The following PCDH15 variants were observed in gnomAD, a reference collection of about 807,000 sequenced individuals.
The protein encoded by PCDH15 is protocadherin-15.
Under a neutral mutation model 178.5 loss-of-function variants are expected in PCDH15, and 129 were observed. That is an observed-to-expected ratio of 0.72 (90% CI 0.63 to 0.84). The LOEUF is 0.84. PCDH15 is among the 40% of genes least tolerant of loss of function. PCDH15 has a pLI of 0.00. For synonymous variants in PCDH15, 800 were observed against 732.0 expected (o/e 1.09, Z -1.50); for missense variants, 2,230 against 2,099.9 (o/e 1.06, Z -1.21).
intron 26 of PCDH15, among the ~76,000 whole-genome samples, chr10:53,896,017 C>T (rs2081925418): frequency 6.6e-6 from 1 of 152,154 alleles, no homozygotes. Flanking sequence ...TACTGAGCTT[C>T]AATTTTCCCA....
intron 26 of PCDH15, among the ~76,000 whole-genome samples, chr10:53,887,844 G>A (rs1197464286): frequency 2.6e-5 from 4 of 152,038 alleles, no homozygotes; most frequent in Admixed American, 2.6e-4. Context: ...AGCCAAGATC[G>A]CGCCACCGCA....
chr10:54,427,571 C>T (rs997526164), intron 3 of PCDH15, among the ~76,000 whole-genome samples: 2 of 152,046 alleles, frequency 1.3e-5, no homozygotes, highest in Non-Finnish European at 2.9e-5. Flanking sequence ...AGCCACCATG[C>T]CTGGCCCCTA....
At chr10:54,524,239 A>G (rs79329112) in intron 3 of PCDH15, among the ~76,000 whole-genome samples, 3,460 of 152,336 alleles carry the variant, frequency 0.023, 126 homozygotes, top group African/African-American at 0.078. Flanking sequence ...CTGAGAGTGT[A>G]CAATATATTT....
intron 3 of PCDH15, among the ~76,000 whole-genome samples, chr10:54,480,496 T>G (rs1300297905): frequency 6.6e-6 from 1 of 151,988 alleles, no homozygotes. Flanking sequence ...TGAAAAAAAG[T>G]GTTATTTGCT....
At chr10:54,827,231 C>T (rs564861795) in intron 3 of PCDH15, among the ~76,000 whole-genome samples, 3 of 152,192 alleles carry the variant, frequency 2.0e-5, no homozygotes, top group Non-Finnish European at 4.4e-5. Flanking sequence ...CAAAGAAATG[C>T]CACTCAGTAT....
At chr10:54,576,896 A>G (rs2133707373) in intron 2 of PCDH15, among the ~76,000 whole-genome samples, 1 of 152,298 alleles carries the variant, frequency 6.6e-6, no homozygotes, top group South Asian at 2.1e-4. Context: ...AAAAAAATAC[A>G]TTGGTAGTTC....
chr10:55,549,500 A>G (rs1841961898), intron 2 of PCDH15, among the ~76,000 whole-genome samples: 1 of 152,114 alleles, frequency 6.6e-6, no homozygotes, highest in African/African-American at 2.4e-5. Context: ...GGTGAATCTT[A>G]GGTAGGAAGT....
intron 20 of PCDH15, among the ~76,000 whole-genome samples, chr10:54,019,702 A>G (rs2092853163): frequency 6.6e-6 from 1 of 151,988 alleles, no homozygotes; most frequent in South Asian, 2.1e-4. Context: ...AAGGTCATAG[A>G]GCTTAAAAAG....
chr10:54,460,564 G>A (rs755693682), intron 3 of PCDH15, among the ~76,000 whole-genome samples: 13 of 151,920 alleles, frequency 8.6e-5, no homozygotes, highest in South Asian at 2.1e-4. Flanking sequence ...AACATGGAGC[G>A]GGAATCCCAG....
At chr10:54,843,523 TC>T (rs1953454276) in intron 3 of PCDH15, among the ~76,000 whole-genome samples, 1 of 152,010 alleles carries the variant, frequency 6.6e-6, no homozygotes, top group Non-Finnish European at 1.5e-5. Context: ...TATTTTTATG[TC>T]CTGAGAGACA....
intron 2 of PCDH15, among the ~76,000 whole-genome samples, chr10:54,587,947 T>C (rs545532319): frequency 2.6e-4 from 39 of 152,332 alleles, no homozygotes; most frequent in African/African-American, 8.9e-4. Flanking sequence ...TGTTTTATAA[T>C]TTATTTATTT....
chr10:55,349,802 G>T (rs978170354), intron 2 of PCDH15, among the ~76,000 whole-genome samples: 1 of 151,980 alleles, frequency 6.6e-6, no homozygotes, highest in Non-Finnish European at 1.5e-5. Context: ...CCCTCTTTTG[G>T]AACTTTTGCC....
chr10:54,681,317 G>A (rs1182865124), intron 1 of PCDH15, among the ~76,000 whole-genome samples: 1 of 152,122 alleles, frequency 6.6e-6, no homozygotes, highest in Non-Finnish European at 1.5e-5. Context: ...GAAAGTCAGG[G>A]TAGACAAAAA....
intron 1 of PCDH15, among the ~76,000 whole-genome samples, chr10:54,700,780 G>A (rs2095298999): frequency 6.6e-6 from 1 of 152,022 alleles, no homozygotes; most frequent in Non-Finnish European, 1.5e-5. Context: ...AAGCAAGTTG[G>A]AAACCATATT....
At chr10:54,516,246 T>C (rs1055826618) in intron 3 of PCDH15, among the ~76,000 whole-genome samples, 1 of 152,106 alleles carries the variant, frequency 6.6e-6, no homozygotes, top group African/African-American at 2.4e-5. Context: ...AGGCTTCAGA[T>C]GATCAACTAC....
chr10:55,601,649 T>TA (rs1406365745), intron 2 of PCDH15, among the ~76,000 whole-genome samples: 1 of 151,640 alleles, frequency 6.6e-6, no homozygotes, highest in African/African-American at 2.4e-5. Flanking sequence ...TAAAATTGAG[T>TA]AAAAAAATAG....
At chr10:55,035,253 CA>C (rs1409942867) in intron 2 of PCDH15, among the ~76,000 whole-genome samples, 1 of 152,100 alleles carries the variant, frequency 6.6e-6, no homozygotes, top group Non-Finnish European at 1.5e-5. Flanking sequence ...ATTCTTATAG[CA>C]TTATTTTTGT....
intron 3 of PCDH15, among the ~76,000 whole-genome samples, chr10:54,857,609 C>T (rs1233268067): frequency 6.7e-6 from 1 of 148,286 alleles, no homozygotes; most frequent in Non-Finnish European, 1.5e-5. Context: ...CCATGCCTGG[C>T]TAATTTTTTT....
intron 4 of PCDH15, among the ~76,000 whole-genome samples, chr10:54,371,249 C>G (rs1947623200): frequency 6.6e-6 from 1 of 151,674 alleles, no homozygotes; most frequent in Admixed American, 6.6e-5. Flanking sequence ...CAGCTACAAA[C>G]ATTAATGTAA....
Sources: gnomAD v4.1 joint callset for allele counts (sites outside exome capture counted in the v4.1 genomes callset) on GRCh38, gnomAD v4.1.1 for gene constraint, MANE v1.5 for transcripts, NCBI Gene and HGNC (gene_info 2026-07-23, HGNC 2026-07-21) for gene names.